Variants in SMG6 observed in about 807,000 individuals in gnomAD.
SMG6 encodes the protein SMG6 nonsense mediated mRNA decay factor, also known as telomerase-binding protein EST1A.
A neutral mutation model predicts 142.2 loss-of-function variants in SMG6; 66 were observed. The ratio of observed to expected loss-of-function variants is 0.46; its 90% CI spans 0.38 to 0.57. SMG6 has a LOEUF of 0.57. SMG6 is among the 20% of genes least tolerant of loss of function. The pLI is 0.00. For synonymous variants in SMG6, 779 were observed against 702.4 expected (o/e 1.11, Z -1.72); for missense variants, 1,793 against 1,832.0 (o/e 0.98, Z 0.39).
In SMG6 at chr17:2,068,644, C is replaced by T; in HGVS notation, c.3835+134G>A. On this transcript the variant is annotated intron_variant, in intron 16 of 18. Transcript: ENST00000263073. The surrounding 1 kb of genome is among the most constrained non-coding windows in gnomAD (Gnocchi z 6.7). ...AACAGTTTTCTTTGCCCCACGCGTT[C>T]CCTACTCCCCTGCAAATCCCATCTT... The T allele has an allele frequency of 1.2e-6, 1 of 866,342 alleles. No homozygotes were observed. The highest frequency in any genetic ancestry group is 1.7e-6 in the Non-Finnish European group (1 of 571,492). 53.7% of individuals were successfully genotyped at this position (866,342 alleles called of 1,614,324 possible).
chr17:2,172,662 T>G lies in SMG6; in HGVS notation c.3353A>C (p.Asp1118Ala), dbSNP rs569491551. ...QDPCYVEKTS[D>A]KVIAADCKRV... ...GATGTTTGGCCTGGGGCTGACCTTA[T>G]CCGAGGTTTTCTCCACGTAGCAGGG... Residue 1118 changes from aspartate (D) to alanine (A), a missense_variant, in exon 13 of 19, where the codon GAT (aspartate) becomes GCT (alanine). By Grantham distance (126) the Asp-to-Ala change is moderately radical. This residue lies in a region of SMG6 where 1,597 missense variants were observed against 1,584.6 expected (regional missense o/e 1.01). Coordinates refer to ENST00000263073, the MANE Select transcript of SMG6 (RefSeq NM_017575.5). The G allele has an allele frequency of 2.5e-4, 406 of 1,613,206 alleles. 4 individuals are homozygous for G. The South Asian group carries it at 4.3e-3, about 17-fold the overall frequency.
intron 13 of SMG6, among the ~76,000 whole-genome samples, chr17:2,150,626 C>T (rs11657636): frequency 0.74 from 112,888 of 152,118 alleles, 42,754 homozygotes; most frequent in African/African-American, 0.87. Flanking sequence ...ATGGAAGTGA[C>T]CAGGTTCAAC....
Position 2,127,398 on chromosome 17 carries a change from T to C in SMG6, c.3358-41497A>G, listed in dbSNP as rs1021207277. Reference sequence around the variant, plus strand: ...AAATGGTTGAAATGGTAAATCCTTTTCCCCCCCTCTTTAAATAGACACTTT... The same window carrying C: ...AAATGGTTGAAATGGTAAATCCTTTCCCCCCCCTCTTTAAATAGACACTTT... On this transcript the variant is annotated intron_variant, in intron 13 of 18. Coordinates refer to ENST00000263073, the MANE Select transcript of SMG6 (RefSeq NM_017575.5). 1.2e-4 allele frequency: 79 copies of C among 679,356 alleles called. 1 individual carries two copies. The highest frequency in any genetic ancestry group is 3.3e-4 in the South Asian group (24 of 71,986). 42.1% of individuals were successfully genotyped at this position (679,356 alleles called of 1,614,324 possible).
intron 12 of SMG6, among the ~76,000 whole-genome samples, chr17:2,176,195 A>G (rs1187713615): frequency 6.6e-6 from 1 of 152,124 alleles, no homozygotes; most frequent in Non-Finnish European, 1.5e-5. Context: ...TGCACATAGG[A>G]TTTCCTGTCT....
intron 6 of SMG6, among the ~76,000 whole-genome samples, chr17:2,291,248 G>A (rs975850627): frequency 4.0e-5 from 6 of 151,758 alleles, no homozygotes; most frequent in South Asian, 2.1e-4. Flanking sequence ...GGAGAATGGC[G>A]TGAACCCGGG....
At position 2,157,957 on chromosome 17, in the gene SMG6, T is replaced by C. The variant is rs553111511; in HGVS notation, c.3357+14701A>G. ...CCAGTAGAACCTGGCCCAGGTGCAT[T>C]TCTAACCAAAGTCACAGGAGTGGGA... On this transcript the variant is annotated intron_variant, in intron 13 of 18. Coordinates refer to ENST00000263073, the MANE Select transcript of SMG6 (RefSeq NM_017575.5). Among the ~76,000 whole-genome samples the C allele has an allele frequency of 1.4e-3, 207 of 152,328 alleles. 1 individual carries two copies. The highest frequency in any genetic ancestry group is 3.4e-3 in the Middle Eastern group (1 of 294).
At chr17:2,100,046 T>G (rs2068963214) in intron 13 of SMG6, among the ~76,000 whole-genome samples, 1 of 151,228 alleles carries the variant, frequency 6.6e-6, no homozygotes, top group Non-Finnish European at 1.5e-5. Context: ...TCTTTTTTTT[T>G]TTTTTTTTCG....
At chr17:2,201,584 C>G (rs1385338294) in intron 10 of SMG6, among the ~76,000 whole-genome samples, 1 of 149,280 alleles carries the variant, frequency 6.7e-6, no homozygotes, top group Non-Finnish European at 1.5e-5. Flanking sequence ...GCCAACTACG[C>G]AGGAGAATAG....
In SMG6 at chr17:2,221,412, G is replaced by C. The variant is rs1047413067; in HGVS notation, c.2869+15080C>G. The stretch of plus-strand genomic sequence containing the variant: ...CTCCTTCCTCTTTGCCTTCCACCAT[G>C]ATTGTGATTCTCCTGAGGCCTCCCT... On this transcript the variant is annotated intron_variant, in intron 10 of 18. Coordinates refer to ENST00000263073, the MANE Select transcript of SMG6 (RefSeq NM_017575.5). Among the ~76,000 whole-genome samples, 61 of 152,106 alleles carry C rather than the reference G, an allele frequency of 4.0e-4. 1 individual carries two copies. The highest frequency in any genetic ancestry group is 2.8e-4 in the Non-Finnish European group (19 of 68,014).
At chr17:2,296,585 T>C (rs943617017) in intron 4 of SMG6, among the ~76,000 whole-genome samples, 15 of 152,294 alleles carry the variant, frequency 9.8e-5, no homozygotes, top group Non-Finnish European at 1.3e-4. Context: ...CAAACCCTAT[T>C]GTGAACTAAG....
intron 13 of SMG6, among the ~76,000 whole-genome samples, chr17:2,161,432 C>CA (rs1416344813): frequency 2.0e-5 from 3 of 149,706 alleles, no homozygotes. Context: ...TTTTTTGAGA[C>CA]AGAGTCTCAC....
intron 8 of SMG6, among the ~76,000 whole-genome samples, chr17:2,258,827 G>A (rs11078019): frequency 0.42 from 63,241 of 149,602 alleles, 14,487 homozygotes; most frequent in African/African-American, 0.61. Flanking sequence ...CTGGCGCGAT[G>A]GCTCACACCT....
At chr17:2,298,159 T>A in intron 2 of SMG6, 104 bp from the exon 3 acceptor site, 1 of 1,052,870 alleles carries the variant, frequency 9.5e-7, no homozygotes, top group African/African-American at 1.6e-5. Flanking sequence ...TGGCAGGAAA[T>A]AAAAAATGTG....
intron 6 of SMG6, among the ~76,000 whole-genome samples, chr17:2,289,078 C>CAAAAAAAA (rs34494754): frequency 1.8e-4 from 16 of 87,936 alleles, no homozygotes; most frequent in African/African-American, 7.3e-4. Context: ...GACTCTGTCT[C>CAAAAAAAA]AAAAAAAAAA....
intron 10 of SMG6, among the ~76,000 whole-genome samples, chr17:2,200,553 A>C (rs2072489026): frequency 6.6e-6 from 1 of 151,066 alleles, no homozygotes; most frequent in Admixed American, 6.6e-5. Flanking sequence ...TTTTGTAGAG[A>C]CAGGGTCTTG....
intron 8 of SMG6, among the ~76,000 whole-genome samples, chr17:2,278,039 T>A (rs1597770987): frequency 6.6e-6 from 1 of 151,886 alleles, no homozygotes; most frequent in Admixed American, 6.6e-5. Context: ...CAGAGGGAGA[T>A]CCTATCTCTC....
At chr17:2,285,957 A>G (rs1422182505) in intron 6 of SMG6, among the ~76,000 whole-genome samples, 1 of 152,180 alleles carries the variant, frequency 6.6e-6, no homozygotes, top group Non-Finnish European at 1.5e-5. Flanking sequence ...TACAGGGGTC[A>G]GACACCCCAC....
chr17:2,077,511 C>G (rs914984039), intron 15 of SMG6, among the ~76,000 whole-genome samples: 1 of 152,172 alleles, frequency 6.6e-6, no homozygotes, highest in African/African-American at 2.4e-5. Flanking sequence ...TGAACAAAAA[C>G]CCGAGTGGAA....
chr17:2,289,941 C>CATATATAT (rs3055883), intron 6 of SMG6, among the ~76,000 whole-genome samples: 407 of 141,566 alleles, frequency 2.9e-3, no homozygotes, highest in African/African-American at 8.8e-3. Context: ...TTATTTTATA[C>CATATATAT]ATATATATAT....
Sources: allele counts gnomAD v4.1 joint callset (sites outside exome capture counted in the v4.1 genomes callset), GRCh38; gene constraint gnomAD v4.1.1; regional missense constraint gnomAD v4.1.1; non-coding constraint Gnocchi (gnomAD v3.1); transcripts MANE v1.5; gene names NCBI Gene and HGNC (gene_info 2026-07-23, HGNC 2026-07-21).